PCDH7: variants seen among roughly 807,000 people sequenced by gnomAD.
PCDH7 encodes the protein protocadherin 7.
Under a neutral mutation model 58.9 loss-of-function variants are expected in PCDH7, and 17 were observed. That is an observed-to-expected ratio of 0.29 (90% CI 0.20 to 0.43). PCDH7 has a LOEUF of 0.43. Among genes scored for constraint, PCDH7 ranks in the 20% least tolerant of loss-of-function variants. The probability of loss-of-function intolerance (pLI) is 1.00; values close to 1 mark genes in which losing one functional copy is unlikely to be tolerated. For synonymous variants in PCDH7, 664 were observed against 616.4 expected, an observed-to-expected ratio of 1.08 and a Z score of -1.14; for missense variants, 1,274 against 1,441.0, an observed-to-expected ratio of 0.88 and a Z score of 1.88.
chr4:30,763,132 A>C (rs1720247988), intron 1 of PCDH7, among the ~76,000 whole-genome samples: 1 of 152,182 alleles, frequency 6.6e-6, no homozygotes, highest in Non-Finnish European at 1.5e-5. Context: ...CTGAGGCAGG[A>C]GAATCGCTTG....
intron 3 of PCDH7, among the ~76,000 whole-genome samples, chr4:31,036,455 T>G (rs952731280): frequency 2.6e-5 from 4 of 152,114 alleles, no homozygotes; most frequent in Non-Finnish European, 4.4e-5. Flanking sequence ...CCCACAGTGC[T>G]GGGATTATAA....
At chr4:30,925,463 C>T (rs574187825) in intron 2 of PCDH7, among the ~76,000 whole-genome samples, 2 of 152,262 alleles carry the variant, frequency 1.3e-5, no homozygotes, top group African/African-American at 2.4e-5. Flanking sequence ...TCCAAAGATC[C>T]TCATATACTT....
At chr4:31,076,330 T>G (rs1578729126) in intron 3 of PCDH7, among the ~76,000 whole-genome samples, 2 of 152,260 alleles carry the variant, frequency 1.3e-5, no homozygotes, top group African/African-American at 4.8e-5. Context: ...TTTTAATTCA[T>G]GCTTTATTTA....
intron 3 of PCDH7, among the ~76,000 whole-genome samples, chr4:31,047,073 A>T (rs1756348928): frequency 6.6e-6 from 1 of 152,078 alleles, no homozygotes; most frequent in African/African-American, 2.4e-5. Context: ...CAAGTTCACT[A>T]AAACACAAAT....
intron 1 of PCDH7, among the ~76,000 whole-genome samples, chr4:30,903,320 A>T (rs1201415622): frequency 6.6e-6 from 1 of 152,168 alleles, no homozygotes; most frequent in Non-Finnish European, 1.5e-5. Flanking sequence ...GTTAACTCCA[A>T]TTAGGCTCCA....
chr4:30,855,886 G>T (rs988457968), intron 1 of PCDH7, among the ~76,000 whole-genome samples: 1 of 152,102 alleles, frequency 6.6e-6, no homozygotes, highest in African/African-American at 2.4e-5. Flanking sequence ...ACTTTAATCT[G>T]CCGGATGGCC....
intron 1 of PCDH7, among the ~76,000 whole-genome samples, chr4:30,893,236 C>T (rs138060885): frequency 3.3e-5 from 5 of 152,052 alleles, no homozygotes; most frequent in East Asian, 3.9e-4. Context: ...TTTCTTTAAC[C>T]GTTAAAATAA....
intron 3 of PCDH7, among the ~76,000 whole-genome samples, chr4:31,140,608 T>C (rs1395310345): frequency 8.4e-6 from 1 of 119,704 alleles, no homozygotes; most frequent in Admixed American, 8.8e-5. Context: ...TAGGTCAGGT[T>C]AAAAAAAAAA....
intron 3 of PCDH7, among the ~76,000 whole-genome samples, chr4:31,129,196 T>C (rs931748450): frequency 1.3e-5 from 2 of 152,040 alleles, no homozygotes; most frequent in Non-Finnish European, 2.9e-5. Context: ...ACAGAAAAGG[T>C]CATATGAATA....
chr4:31,086,453 T>C (rs1490950460), intron 3 of PCDH7, among the ~76,000 whole-genome samples: 1 of 152,180 alleles, frequency 6.6e-6, no homozygotes, highest in Non-Finnish European at 1.5e-5. Context: ...ATGTATTATC[T>C]ATACACCCAG....
chr4:30,974,931 C>T (rs1488733942), intron 3 of PCDH7, among the ~76,000 whole-genome samples: 2 of 152,076 alleles, frequency 1.3e-5, no homozygotes, highest in Non-Finnish European at 2.9e-5. Context: ...CTTTCTCATT[C>T]TTTTTAGCCT....
chr4:30,821,940 G>A (rs1422936007), intron 1 of PCDH7, among the ~76,000 whole-genome samples: 2 of 152,162 alleles, frequency 1.3e-5, no homozygotes, highest in Admixed American at 1.3e-4. Context: ...AACCTTCTGA[G>A]CTATGTTCCT....
At chr4:31,144,198 C>A (rs886378613), downstream of PCDH7, 11 of 152,138 alleles carry the variant, frequency 7.2e-5, no homozygotes, top group Admixed American at 4.6e-4. Flanking sequence ...TTGAGACTCA[C>A]AACATTGAAA....
At chr4:31,031,683 A>T (rs971091168) in intron 3 of PCDH7, among the ~76,000 whole-genome samples, 2 of 152,212 alleles carry the variant, frequency 1.3e-5, no homozygotes, top group Non-Finnish European at 2.9e-5. Context: ...GTTATTTCAA[A>T]TATTCAATAG....
At chr4:30,826,150 G>A (rs552916502) in intron 1 of PCDH7, among the ~76,000 whole-genome samples, 40 of 152,074 alleles carry the variant, frequency 2.6e-4, no homozygotes, top group Admixed American at 1.4e-3. Context: ...TATTCCATTC[G>A]ATAACCTCAT....
At chr4:30,810,605 C>G (rs1344328114) in intron 1 of PCDH7, among the ~76,000 whole-genome samples, 1 of 147,780 alleles carries the variant, frequency 6.8e-6, no homozygotes, top group Non-Finnish European at 1.5e-5. Flanking sequence ...TAAAAAACGT[C>G]TTCTCATTTT....
At chr4:30,896,532 G>A (rs1321882054) in intron 1 of PCDH7, among the ~76,000 whole-genome samples, 2 of 151,928 alleles carry the variant, frequency 1.3e-5, no homozygotes, top group African/African-American at 4.8e-5. Context: ...AACAAGAAAT[G>A]ATTTATAACC....
intron 1 of PCDH7, among the ~76,000 whole-genome samples, chr4:30,909,922 A>G (rs1741504621): frequency 6.6e-6 from 1 of 152,194 alleles, no homozygotes; most frequent in African/African-American, 2.4e-5. Flanking sequence ...TTGACTTCAA[A>G]CTATACTACA....
At chr4:30,920,686 T>A (rs1454822825) in intron 2 of PCDH7, among the ~76,000 whole-genome samples, 2 of 152,190 alleles carry the variant, frequency 1.3e-5, no homozygotes, top group African/African-American at 4.8e-5. Flanking sequence ...AAGAAAGGTC[T>A]TGTCTAATTG....
Sources: allele counts gnomAD v4.1 joint callset (sites outside exome capture counted in the v4.1 genomes callset), GRCh38; gene constraint gnomAD v4.1.1; transcripts MANE v1.5; gene names NCBI Gene and HGNC (gene_info 2026-07-23, HGNC 2026-07-21).